LRBA: variants seen among roughly 807,000 people sequenced by gnomAD.
LRBA encodes lipopolysaccharide-responsive and beige-like anchor protein.
Under a neutral mutation model 330.0 loss-of-function variants are expected in LRBA, and 176 were observed. That is an observed-to-expected ratio of 0.53 (90% CI 0.47 to 0.60). The LOEUF (loss-of-function observed/expected upper bound fraction) is 0.60. LRBA is among the 20% of genes least tolerant of loss of function. The pLI is 0.00. For synonymous variants in LRBA, 1,230 were observed against 1,193.0 expected (o/e 1.03, Z -0.64); for missense variants, 3,259 against 3,444.8 (o/e 0.95, Z 1.35).
chr4:150,846,069 C>T (rs1749796229), intron 26 of LRBA, among the ~76,000 whole-genome samples: 1 of 151,970 alleles, frequency 6.6e-6, no homozygotes, highest in African/African-American at 2.4e-5. Flanking sequence ...TAATATTCAG[C>T]CGTAAAAAAG....
chr4:150,599,771 G>T (rs181113976), intron 37 of LRBA, among the ~76,000 whole-genome samples: 7 of 152,090 alleles, frequency 4.6e-5, no homozygotes, highest in Non-Finnish European at 8.8e-5. Flanking sequence ...AGCCCCTGAG[G>T]CTTAGAACAA....
rs1771726244 is a variant in LRBA at position 150,583,801 on chromosome 4, C to A, written c.6330+4247G>T. The A allele has an allele frequency of 6.2e-7, 1 of 1,614,172 alleles. No homozygotes were observed. The highest frequency in any genetic ancestry group is 1.1e-5 in the South Asian group (1 of 91,078). ...GTGCCTCTCAGTGCTGAAGACTCTGCGGGACCGCCACCTGGAGCTACCCGG... is the reference window on the plus strand; with the variant it reads ...GTGCCTCTCAGTGCTGAAGACTCTGAGGGACCGCCACCTGGAGCTACCCGG... On this transcript the variant is annotated intron_variant, in intron 40 of 56. Coordinates refer to ENST00000651943, the MANE Select transcript of LRBA (RefSeq NM_001364905.1). This position sits in a 1 kb window ranked among gnomAD's most constrained non-coding sequence, Gnocchi z 9.8.
chr4:150,604,276 T>C (rs1313824657), intron 37 of LRBA, among the ~76,000 whole-genome samples: 1 of 151,864 alleles, frequency 6.6e-6, no homozygotes, highest in Non-Finnish European at 1.5e-5. Context: ...AGGTGGTGCA[T>C]GTCTGTAGTT....
chr4:150,485,823 C>T (rs1347439553), intron 42 of LRBA, among the ~76,000 whole-genome samples: 1 of 151,904 alleles, frequency 6.6e-6, no homozygotes, highest in Non-Finnish European at 1.5e-5. Context: ...GACTAGCTGG[C>T]TGTTTTTATT....
chr4:150,832,110 T>A (rs1747293307), intron 28 of LRBA, 134 bp from the exon 29 acceptor site: 1 of 444,068 alleles, frequency 2.3e-6, no homozygotes, highest in African/African-American at 2.0e-5. Context: ...CCTACGTAAA[T>A]AATAAATTTA....
chr4:150,821,486 T>C (rs1398429611), intron 30 of LRBA, among the ~76,000 whole-genome samples: 1 of 149,916 alleles, frequency 6.7e-6, no homozygotes, highest in Admixed American at 6.7e-5. Context: ...TGTTGCTGGA[T>C]TTTTTTTTTC....
chr4:150,606,640 C>T (rs911320778), intron 37 of LRBA, among the ~76,000 whole-genome samples: 1 of 152,172 alleles, frequency 6.6e-6, no homozygotes, highest in Admixed American at 6.5e-5. Flanking sequence ...TGATTAAATA[C>T]TGCTATTCTC....
chr4:150,408,611 C>T (rs1314629641), intron 47 of LRBA, among the ~76,000 whole-genome samples: 1 of 152,030 alleles, frequency 6.6e-6, no homozygotes, highest in African/African-American at 2.4e-5. Context: ...TAATATTCCT[C>T]ATAAATATAG....
rs549161027 is a variant in LRBA at position 150,977,962 on chromosome 4, G to A, written c.216+36465C>T. Among the ~76,000 whole-genome samples, 47 of 152,376 alleles carry A rather than the reference G, an allele frequency of 3.1e-4. No homozygotes were observed. The Middle Eastern group carries it at 0.01, about 33-fold the overall frequency. ...ACCTGCCAAGGGCCTCAGGAAACACGCTACCCTGAAGGGAAGGACATAAGC... is the reference window on the plus strand; with the variant it reads ...ACCTGCCAAGGGCCTCAGGAAACACACTACCCTGAAGGGAAGGACATAAGC... On this transcript the variant is annotated intron_variant, in intron 2 of 56. Coordinates refer to ENST00000651943, the MANE Select transcript of LRBA (RefSeq NM_001364905.1).
At chr4:150,408,666 C>A (rs1746528391) in intron 47 of LRBA, among the ~76,000 whole-genome samples, 2 of 151,996 alleles carry the variant, frequency 1.3e-5, no homozygotes, top group Non-Finnish European at 1.5e-5. Flanking sequence ...AAAATACTAA[C>A]AAAACAAAAA....
At chr4:150,692,679 G>T (rs893785394) in intron 36 of LRBA, among the ~76,000 whole-genome samples, 1 of 152,142 alleles carries the variant, frequency 6.6e-6, no homozygotes, top group Non-Finnish European at 1.5e-5. Flanking sequence ...AGAGCAACAT[G>T]TACTTCACAA....
At chr4:150,756,687 C>A (rs896602678) in intron 35 of LRBA, among the ~76,000 whole-genome samples, 1 of 152,034 alleles carries the variant, frequency 6.6e-6, no homozygotes, top group Non-Finnish European at 1.5e-5. Flanking sequence ...AACAATGTAA[C>A]CTACACCACA....
intron 37 of LRBA, among the ~76,000 whole-genome samples, chr4:150,674,954 A>G (rs1020756186): frequency 5.9e-5 from 9 of 151,700 alleles, no homozygotes. Flanking sequence ...GTAATGGCTC[A>G]CGCCTATAAT....
chr4:150,639,809 G>GTGTGTATATATATATA (rs1778419005), intron 37 of LRBA, among the ~76,000 whole-genome samples: 1 of 6,138 alleles, frequency 1.6e-4, no homozygotes, highest in African/African-American at 4.4e-4. Context: ...ATATATATGT[G>GTGTGTATATATATATA]TGTGTGTGTG....
chr4:150,381,003 AAAAAAG>A (rs1288655808), intron 47 of LRBA, among the ~76,000 whole-genome samples: 4 of 151,536 alleles, frequency 2.6e-5, no homozygotes, highest in African/African-American at 9.7e-5. Flanking sequence ...AAAAAAAAAA[AAAAAAG>A]TATATTTTGT....
rs1030159096 is a variant in LRBA, at chr4:150,839,281, G to C, written c.4569+4819C>G. 6.6e-5 allele frequency among the ~76,000 whole-genome samples: 10 copies of C among 152,272 alleles called. No homozygotes were observed. In the East Asian group the frequency reaches 1.2e-3, roughly 18 times the overall value. On this transcript the variant is annotated intron_variant, in intron 28 of 56. Coordinates refer to ENST00000651943, the MANE Select transcript of LRBA (RefSeq NM_001364905.1). The stretch of plus-strand genomic sequence containing the variant: ...GTGGAGAAAAAGGAACACTTTTACA[G>C]TGTTGGTGGGACTGTAAACTAGTTC...
intron 40 of LRBA, among the ~76,000 whole-genome samples, chr4:150,501,288 T>G (rs565414002): frequency 6.6e-6 from 1 of 152,186 alleles, no homozygotes; most frequent in Non-Finnish European, 1.5e-5. Flanking sequence ...GACTGACTGA[T>G]GGATGGAGGG....
At chr4:150,371,501 A>G (rs1430167589) in intron 47 of LRBA, among the ~76,000 whole-genome samples, 1 of 151,978 alleles carries the variant, frequency 6.6e-6, no homozygotes, top group Non-Finnish European at 1.5e-5. Flanking sequence ...GCAAGCTACT[A>G]TTTATCTAAT....
chr4:150,310,432 G>A (rs1322705338), intron 51 of LRBA, 48 bp from the exon 52 acceptor site: 1 of 1,347,866 alleles, frequency 7.4e-7, no homozygotes, highest in Non-Finnish European at 1.1e-6. Context: ...CATGGGCAAA[G>A]AAATTCTATA....
Sources: gnomAD v4.1 joint callset for allele counts (sites outside exome capture counted in the v4.1 genomes callset) on GRCh38, gnomAD v4.1.1 for gene constraint, Gnocchi (gnomAD v3.1) non-coding constraint, MANE v1.5 for transcripts, NCBI Gene and HGNC (gene_info 2026-07-23, HGNC 2026-07-21) for gene names.